The following RANBP2 variants were observed in gnomAD, a reference collection of about 807,000 sequenced individuals.
RANBP2 encodes RAN binding protein 2.
In RANBP2, 57 loss-of-function variants were observed where a neutral mutation model predicts 303.6. That is an observed-to-expected ratio of 0.19 (90% CI 0.15 to 0.23). The LOEUF (loss-of-function observed/expected upper bound fraction) is 0.23. RANBP2 is among the 10% of genes least tolerant of loss of function. The pLI, the probability that RANBP2 is intolerant of heterozygous loss-of-function variation, is 1.00. For synonymous variants in RANBP2, 1,167 were observed against 1,301.5 expected (o/e 0.90, Z 2.23); for missense variants, 3,138 against 3,780.8 (o/e 0.83, Z 4.46).
At chr2:109,650,664 C>T in the RANBP2 span, among the ~76,000 whole-genome samples, 1 of 152,142 alleles carries the variant, frequency 6.6e-6, no homozygotes, top group East Asian at 1.9e-4. Context: ...GGAGCTTCCT[C>T]CGTGCTGTTC....
chr2:109,399,009 T>A, the RANBP2 span: 1 of 1,475,162 alleles, frequency 6.8e-7, no homozygotes, highest in Non-Finnish European at 9.1e-7. Context: ...AGCTCCGTGT[T>A]CAGTGTCCCC....
chr2:109,090,394 A>C, the RANBP2 span, among the ~76,000 whole-genome samples: 1 of 152,090 alleles, frequency 6.6e-6, no homozygotes, highest in African/African-American at 2.4e-5. Flanking sequence ...TTAAGTGCAA[A>C]GAGCCTATGA....
the RANBP2 span, among the ~76,000 whole-genome samples, chr2:108,799,708 A>G: frequency 1.3e-5 from 2 of 152,160 alleles, no homozygotes; most frequent in Non-Finnish European, 2.9e-5. Flanking sequence ...CCAATATTTC[A>G]TCAAATATTT....
chr2:109,572,128 A>G, the RANBP2 span, among the ~76,000 whole-genome samples: 11 of 151,596 alleles, frequency 7.3e-5, no homozygotes, highest in Admixed American at 2.0e-4. Context: ...CTAGCTCCCC[A>G]CCTCTTTTTT....
At chr2:109,086,310 C>T in the RANBP2 span, among the ~76,000 whole-genome samples, 1 of 152,160 alleles carries the variant, frequency 6.6e-6, no homozygotes, top group Non-Finnish European at 1.5e-5. Flanking sequence ...TTGTTCATTC[C>T]TACCATTGAA....
At chr2:109,601,065 T>C in the RANBP2 span, among the ~76,000 whole-genome samples, 2 of 152,236 alleles carry the variant, frequency 1.3e-5, no homozygotes, top group Non-Finnish European at 2.9e-5. Context: ...GCAAGCTCTC[T>C]GAACCCAGTC....
At chr2:109,404,698 G>A in the RANBP2 span, among the ~76,000 whole-genome samples, 122 of 152,174 alleles carry the variant, frequency 8.0e-4, no homozygotes, top group Middle Eastern at 3.4e-3. Context: ...GCACCTTTGC[G>A]GAAGGCCCAT....
At chr2:109,432,707 G>A in the RANBP2 span, 1 of 1,594,128 alleles carries the variant, frequency 6.3e-7, no homozygotes, top group South Asian at 1.2e-5. Context: ...GGCAAGGAGA[G>A]GGCAAGGGCC....
the RANBP2 span, among the ~76,000 whole-genome samples, chr2:108,929,920 T>G: frequency 2.0e-5 from 3 of 152,230 alleles, no homozygotes; most frequent in Non-Finnish European, 2.9e-5. Flanking sequence ...AAAATCTGTT[T>G]ATGAATGCTT....
the RANBP2 span, chr2:109,564,625 C>T: frequency 8.0e-6 from 9 of 1,118,628 alleles, no homozygotes; most frequent in Admixed American, 6.4e-5. Context: ...TAAATGAAAA[C>T]ATGTGAAACA....
chr2:109,650,889 A>G, the RANBP2 span, among the ~76,000 whole-genome samples: 8 of 152,148 alleles, frequency 5.3e-5, no homozygotes, highest in Admixed American at 1.3e-4. Context: ...TATCAGCAGC[A>G]TGAAAACGGA....
chr2:109,535,635 G>A, the RANBP2 span, among the ~76,000 whole-genome samples: 1 of 152,214 alleles, frequency 6.6e-6, no homozygotes, highest in Admixed American at 6.5e-5. Context: ...AGCCAGGAAT[G>A]TAAGAAAAGT....
At chr2:109,510,300 G>A in the RANBP2 span, among the ~76,000 whole-genome samples, 3 of 152,164 alleles carry the variant, frequency 2.0e-5, no homozygotes, top group African/African-American at 7.2e-5. Context: ...AAACTGTGTC[G>A]GGAGCTCCCT....
At chr2:109,720,299 A>G in the RANBP2 span, among the ~76,000 whole-genome samples, 24 of 151,940 alleles carry the variant, frequency 1.6e-4, no homozygotes, top group Non-Finnish European at 3.4e-4. Context: ...ACACACATAT[A>G]TATATATACA....
the RANBP2 span, among the ~76,000 whole-genome samples, chr2:109,580,349 C>CA: frequency 2.8e-3 from 378 of 135,938 alleles, 1 homozygote; most frequent in African/African-American, 8.5e-3. Flanking sequence ...CCATAAAATG[C>CA]AAAAAAAAAA....
chr2:109,216,819 T>C, the RANBP2 span, among the ~76,000 whole-genome samples: 1 of 152,228 alleles, frequency 6.6e-6, no homozygotes, highest in African/African-American at 2.4e-5. Context: ...TTTTAGCCAT[T>C]TGTAAGCAAA....
At chr2:109,482,689 G>T in the RANBP2 span, among the ~76,000 whole-genome samples, 1 of 152,186 alleles carries the variant, frequency 6.6e-6, no homozygotes, top group Non-Finnish European at 1.5e-5. Context: ...CCAAGAACAA[G>T]GATGCCCTCA....
chr2:109,431,598 T>G, the RANBP2 span, among the ~76,000 whole-genome samples: 3 of 152,186 alleles, frequency 2.0e-5, no homozygotes, highest in Non-Finnish European at 2.9e-5. Context: ...AAATAAGACT[T>G]AAAATTAAGG....
the RANBP2 span, among the ~76,000 whole-genome samples, chr2:109,319,988 T>TG: frequency 6.6e-6 from 1 of 151,524 alleles, no homozygotes; most frequent in South Asian, 2.1e-4. Context: ...TGATGGAGAG[T>TG]GGGGGGTGCT....
Sources: gnomAD v4.1 joint callset for allele counts (sites outside exome capture counted in the v4.1 genomes callset) on GRCh38, gnomAD v4.1.1 for gene constraint, MANE v1.5 for transcripts, NCBI Gene and HGNC (gene_info 2026-07-23, HGNC 2026-07-21) for gene names.